Variants in ZDHHC7 observed in about 807,000 individuals in gnomAD.
ZDHHC7 encodes palmitoyltransferase ZDHHC7.
ZDHHC7 carries 12 observed loss-of-function variants against 34.1 expected under a neutral mutation model. The observed-to-expected ratio is 0.35, with a 90% CI of 0.23 to 0.57. The LOEUF (loss-of-function observed/expected upper bound fraction) is 0.57. ZDHHC7 is among the 20% of genes least tolerant of loss of function. ZDHHC7 has a pLI of 0.84. For synonymous variants in ZDHHC7, 185 were observed against 155.4 expected, an observed-to-expected ratio of 1.19 and a Z score of -1.42; for missense variants, 388 against 402.7, an observed-to-expected ratio of 0.96 and a Z score of 0.31.
At chr16:85,021,866 G>T in the ZDHHC7 span, among the ~76,000 whole-genome samples, 2 of 151,528 alleles carry the variant, frequency 1.3e-5, no homozygotes, top group Non-Finnish European at 2.9e-5. Context: ...TTAGAAAAGG[G>T]CAAAGACAGG....
upstream of ZDHHC7, among the ~76,000 whole-genome samples, chr16:85,011,836 T>C (rs112434173): frequency 1.1e-3 from 171 of 152,256 alleles, no homozygotes; most frequent in African/African-American, 4.0e-3. Context: ...CGGCGGTGTC[T>C]CAGAGGCAGC....
chr16:84,979,247 C>A lies in ZDHHC7; in HGVS notation c.479G>T (p.Cys160Phe). 1 of 1,608,792 alleles carries A rather than the reference C, an allele frequency of 6.2e-7. No individual in the cohort carries two copies. Among genetic ancestry groups the A allele is most frequent in the South Asian group, 1.1e-5 (1 of 89,132 alleles). The part of the protein sequence containing the change: ...KRCIRKMDHH[C>F]PWVNNCVGEK... ...TCCTACACAATTGTTCACCCACGGG[C>A]AGTGATGATCCATTTTCCGAATACA... The change falls in exon 5 of 8, where the codon TGC (cysteine) becomes TTC (phenylalanine). Residue 160 changes from cysteine to phenylalanine, a missense_variant. Cys to Phe is a radical substitution (Grantham distance 205). Coordinates refer to ENST00000313732, the MANE Select transcript of ZDHHC7 (RefSeq NM_017740.3).
chr16:84,984,914 G>C (rs867494292), intron 3 of ZDHHC7, among the ~76,000 whole-genome samples: 1 of 152,204 alleles, frequency 6.6e-6, no homozygotes, highest in Non-Finnish European at 1.5e-5. Context: ...TCGCCAGGAT[G>C]TGCCCACGAT....
chr16:84,987,022 G>A (rs891444625), intron 3 of ZDHHC7, among the ~76,000 whole-genome samples: 11 of 152,198 alleles, frequency 7.2e-5, no homozygotes, highest in African/African-American at 2.7e-4. Context: ...CACTCCACCT[G>A]CTCTGAGGAC....
At chr16:85,009,123 T>C (rs1024696715) in intron 1 of ZDHHC7, among the ~76,000 whole-genome samples, 1 of 152,060 alleles carries the variant, frequency 6.6e-6, no homozygotes, top group African/African-American at 2.4e-5. Flanking sequence ...TAAAATTATC[T>C]TGTATAGTTG....
chr16:84,975,593 C>G lies in ZDHHC7; in HGVS notation c.*750G>C, dbSNP rs1039481712. 2.0e-5 allele frequency: 3 copies of G among 152,674 alleles called. No homozygotes were observed. The highest frequency in any genetic ancestry group is 6.5e-5 in the Admixed American group (1 of 15,290). The allele number at this position is 152,674 out of a possible 1,614,324, so 9.5% of individuals were successfully genotyped here. On this transcript the variant is annotated 3_prime_UTR_variant, in exon 8 of 8. Coordinates refer to ENST00000313732, the MANE Select transcript of ZDHHC7 (RefSeq NM_017740.3). ...AACAGCAATACATTCATAGTAACCA[C>G]GGGCAGGACCCCGCGGCTCTCTCCC...
intron 1 of ZDHHC7, among the ~76,000 whole-genome samples, chr16:84,998,157 G>C (rs535695080): frequency 6.6e-6 from 1 of 151,372 alleles, no homozygotes; most frequent in African/African-American, 2.4e-5. Context: ...CCAGCTACTC[G>C]GGAGGCTGAG....
At chr16:85,001,166 C>G (rs1440482655) in intron 1 of ZDHHC7, among the ~76,000 whole-genome samples, 1 of 152,086 alleles carries the variant, frequency 6.6e-6, no homozygotes, top group Non-Finnish European at 1.5e-5. Flanking sequence ...TTAGGTAAAC[C>G]AGATGGTTTA....
chr16:84,991,399 C>A (rs945095512), intron 2 of ZDHHC7, among the ~76,000 whole-genome samples: 1 of 152,066 alleles, frequency 6.6e-6, no homozygotes, highest in Non-Finnish European at 1.5e-5. Context: ...GATTCTCCTG[C>A]CTCAGCCTCC....
intron 1 of ZDHHC7, among the ~76,000 whole-genome samples, chr16:84,999,149 T>C (rs1006779584): frequency 2.0e-5 from 3 of 152,260 alleles, no homozygotes; most frequent in African/African-American, 4.8e-5. Context: ...TGTTTTCCAA[T>C]GAGCTTATCT....
the ZDHHC7 span, among the ~76,000 whole-genome samples, chr16:85,024,971 C>G: frequency 2.0e-5 from 3 of 152,214 alleles, no homozygotes; most frequent in Admixed American, 6.5e-5. Context: ...TTGGAGGACA[C>G]TCTGTAAAAA....
chr16:84,991,237 T>C (rs1257481938), intron 2 of ZDHHC7, among the ~76,000 whole-genome samples: 2 of 152,212 alleles, frequency 1.3e-5, no homozygotes, highest in Non-Finnish European at 2.9e-5. Flanking sequence ...CCCATTTTTA[T>C]ATCTCTGTTC....
intron 3 of ZDHHC7, among the ~76,000 whole-genome samples, chr16:84,986,482 G>A (rs541080136): frequency 4.9e-4 from 74 of 152,320 alleles, no homozygotes; most frequent in Middle Eastern, 6.8e-3. Flanking sequence ...GAGAAGGCTC[G>A]TAGGCATCCA....
chr16:85,012,439 A>G (rs1429675238), upstream of ZDHHC7, among the ~76,000 whole-genome samples: 1 of 151,932 alleles, frequency 6.6e-6, no homozygotes, highest in East Asian at 1.9e-4. Flanking sequence ...TCACACAAAT[A>G]TAAAATGAAC....
the ZDHHC7 span, among the ~76,000 whole-genome samples, chr16:85,018,401 G>A: frequency 8.6e-5 from 13 of 152,008 alleles, no homozygotes; most frequent in Non-Finnish European, 1.6e-4. Flanking sequence ...CTGGTTATAC[G>A]GATGTTCATT....
At chr16:84,981,412 G>C (rs1263103670) in intron 4 of ZDHHC7, among the ~76,000 whole-genome samples, 1 of 152,216 alleles carries the variant, frequency 6.6e-6, no homozygotes, top group Admixed American at 6.5e-5. Flanking sequence ...CACCACCCCA[G>C]GTAAGAACAA....
intron 1 of ZDHHC7, among the ~76,000 whole-genome samples, chr16:85,008,493 A>G (rs537884484): frequency 7.1e-6 from 1 of 141,710 alleles, no homozygotes; most frequent in Admixed American, 7.0e-5. Context: ...TTTGGGAACC[A>G]CCACCTACAC....
chr16:85,015,100 GTT>G (rs535398788), upstream of ZDHHC7, among the ~76,000 whole-genome samples: 2 of 141,234 alleles, frequency 1.4e-5, no homozygotes, highest in Non-Finnish European at 1.6e-5. Flanking sequence ...GAGTTTTGTT[GTT>G]TTTTTTTTTT....
rs767169864 is a variant in ZDHHC7, at chr16:84,976,342, C to T, written c.*1G>A. ...CAAGTTTCAGTCTGATGAGCCACGC[C>T]TCACACTGAGAACTCCGGGCCACCT... On this transcript the variant is annotated 3_prime_UTR_variant, in exon 8 of 8. Transcript: ENST00000313732. 6.2e-7 allele frequency: 1 copy of T among 1,613,852 alleles called. No homozygotes were observed. Among genetic ancestry groups the T allele is most frequent in the South Asian group, 1.1e-5 (1 of 91,064 alleles).
Sources: gnomAD v4.1 joint callset for allele counts (sites outside exome capture counted in the v4.1 genomes callset) on GRCh38, gnomAD v4.1.1 for gene constraint, MANE v1.5 for transcripts, NCBI Gene and HGNC (gene_info 2026-07-23, HGNC 2026-07-21) for gene names.